Variants in DCBLD1 observed in about 807,000 individuals in gnomAD.
DCBLD1 encodes discoidin, CUB and LCCL domain-containing protein 1.
A neutral mutation model predicts 71.5 loss-of-function variants in DCBLD1; 57 were observed. The ratio of observed to expected loss-of-function variants is 0.80; its 90% confidence interval spans 0.64 to 0.99. The LOEUF is 0.99. Among genes scored for constraint, DCBLD1 ranks in the 50% least tolerant of loss-of-function variants. DCBLD1 has a pLI of 0.00. For synonymous variants in DCBLD1, 380 were observed against 363.8 expected (o/e 1.04, Z -0.51); for missense variants, 891 against 923.5 (o/e 0.96, Z 0.46).
At chr6:117,502,554 C>T (rs1029568148) in intron 1 of DCBLD1, among the ~76,000 whole-genome samples, 2 of 152,166 alleles carry the variant, frequency 1.3e-5, no homozygotes, top group African/African-American at 2.4e-5. Context: ...CTGAATCCAC[C>T]TCTAACTGGG....
chr6:117,527,315 C>G (rs543780080), intron 5 of DCBLD1, among the ~76,000 whole-genome samples: 1 of 152,270 alleles, frequency 6.6e-6, no homozygotes, highest in South Asian at 2.1e-4. Flanking sequence ...ATACAGGGAG[C>G]AGGGATCATG....
Position 117,538,505 on chromosome 6 carries a change from A to G in DCBLD1, c.761-115A>G, listed in dbSNP as rs1269686211. On this transcript the variant is annotated intron_variant, in intron 7 of 14. Coordinates refer to ENST00000338728, the MANE Select transcript of DCBLD1 (RefSeq NM_001366458.2). The stretch of plus-strand genomic sequence containing the variant: ...AGCTGGTAATTAAACACTTTATTCC[A>G]TATCAGAATAAAAGTCAACTAGTTG... 1.2e-5 allele frequency: 11 copies of G among 934,030 alleles called. No individual in the cohort carries two copies. The African/African-American group carries it at 1.3e-4, about 11-fold the overall frequency. The allele number at this position is 934,030 out of a possible 1,614,324, so 57.9% of individuals were successfully genotyped here.
chr6:117,540,602 G>A (rs539244726), intron 9 of DCBLD1, 66 bp from the exon 10 acceptor site: 5 of 1,587,550 alleles, frequency 3.1e-6, no homozygotes, highest in Admixed American at 1.7e-5. Flanking sequence ...CCAGGTATAA[G>A]TGGGATGATA....
chr6:117,566,800 T>G, intron 14 of DCBLD1: 1 of 1,202,034 alleles, frequency 8.3e-7, no homozygotes, highest in Non-Finnish European at 1.1e-6. Context: ...CTTCACATTT[T>G]AAACATTTAA....
At chr6:117,537,970 T>C (rs1443270081) in intron 7 of DCBLD1, among the ~76,000 whole-genome samples, 2 of 152,204 alleles carry the variant, frequency 1.3e-5, no homozygotes, top group Non-Finnish European at 2.9e-5. Flanking sequence ...TTGTTATTAT[T>C]TTGAATAAAG....
intron 5 of DCBLD1, among the ~76,000 whole-genome samples, chr6:117,528,093 A>C: frequency 6.6e-6 from 1 of 152,222 alleles, no homozygotes; most frequent in East Asian, 1.9e-4. Context: ...GTAAACATGT[A>C]GTGCGCTGCA....
In DCBLD1 at chr6:117,482,949, G is replaced by T. The variant is rs1209341087; in HGVS notation, c.112+56G>T. 9 of 1,127,096 alleles carry T rather than the reference G, an allele frequency of 8.0e-6. No individual in the cohort carries two copies. The East Asian group carries it at 1.9e-4, about 24-fold the overall frequency. 69.8% of individuals were successfully genotyped at this position (1,127,096 alleles called of 1,614,324 possible). ...ACCCGAGGCGCCAGGGGCGGGCTGA[G>T]GGCTGCGGGGCGGGCCGGGCCGGGC... On this transcript the variant is annotated intron_variant, in intron 1 of 14. Transcript: ENST00000338728.
Position 117,516,390 on chromosome 6 carries a change from G to A in DCBLD1, c.326-3426G>A, listed in dbSNP as rs72963475. Among the ~76,000 whole-genome samples the A allele has an allele frequency of 5.1e-3, 782 of 151,904 alleles. 7 individuals are homozygous for A. The highest frequency in any genetic ancestry group is 0.021 in the Middle Eastern group (6 of 292). On this transcript the variant is annotated intron_variant, in intron 2 of 14. Transcript: ENST00000338728. ...AAAAAAAAAGAAAGTATTAACTCAT[G>A]TAAGTAATTACGTATGATGAGTGTT...
Position 117,503,867 on chromosome 6 carries a change from A to G in DCBLD1, c.213A>G (p.Thr71=). The change falls in exon 2 of 15, where the codon ACA becomes ACG. Residue 71 remains threonine, a synonymous_variant. Transcript: ENST00000338728. The stretch of plus-strand genomic sequence containing the variant: ...CCAATCACACTGTTTGCGAAAAGAC[A>G]ATTACAGTACCAAAGGGGAAAAGAC... The part of the protein sequence containing the change: ...TYPNHTVCEK[T]ITVPKGKRLI... 1.2e-6 allele frequency: 2 copies of G among 1,614,132 alleles called. No individual in the cohort carries two copies. The highest frequency in any genetic ancestry group is 1.7e-6 in the Non-Finnish European group (2 of 1,179,998).
At chr6:117,513,361 C>G (rs1778085080) in intron 2 of DCBLD1, among the ~76,000 whole-genome samples, 1 of 152,184 alleles carries the variant, frequency 6.6e-6, no homozygotes, top group Non-Finnish European at 1.5e-5. Flanking sequence ...CCTTTATTCC[C>G]TTTGTCCAAG....
At chr6:117,500,869 A>T (rs1457700259) in intron 1 of DCBLD1, among the ~76,000 whole-genome samples, 1 of 152,200 alleles carries the variant, frequency 6.6e-6, no homozygotes, top group Non-Finnish European at 1.5e-5. Flanking sequence ...TCTCAAAAAA[A>T]ACAGTGACAC....
At chr6:117,517,911 C>G (rs1208704843) in intron 2 of DCBLD1, among the ~76,000 whole-genome samples, 1 of 152,198 alleles carries the variant, frequency 6.6e-6, no homozygotes, top group Non-Finnish European at 1.5e-5. Context: ...CCTTGAAGAC[C>G]TCTGACATGC....
chr6:117,502,327 A>G (rs1302749533), intron 1 of DCBLD1, among the ~76,000 whole-genome samples: 1 of 151,888 alleles, frequency 6.6e-6, no homozygotes, highest in Admixed American at 6.6e-5. Context: ...AGCCAACTCT[A>G]TTTCCCCAAT....
chr6:117,489,205 A>G (rs1712283634), intron 1 of DCBLD1, among the ~76,000 whole-genome samples: 2 of 152,210 alleles, frequency 1.3e-5, no homozygotes, highest in East Asian at 1.9e-4. Context: ...CGGTCATGAC[A>G]GAAGGTGAAG....
At chr6:117,493,262 T>A (rs1254219084) in intron 1 of DCBLD1, among the ~76,000 whole-genome samples, 4 of 152,182 alleles carry the variant, frequency 2.6e-5, no homozygotes, top group Non-Finnish European at 5.9e-5. Context: ...AAATGTAGAA[T>A]TTCCAGGCCC....
chr6:117,496,212 TG>T (rs1171367371), intron 1 of DCBLD1, among the ~76,000 whole-genome samples: 3 of 152,386 alleles, frequency 2.0e-5, no homozygotes, highest in African/African-American at 7.2e-5. Context: ...AACATGGTCA[TG>T]TGTTTCTAGT....
At chr6:117,495,091 C>T (rs1777426619) in intron 1 of DCBLD1, among the ~76,000 whole-genome samples, 1 of 152,012 alleles carries the variant, frequency 6.6e-6, no homozygotes. Context: ...AGACTAGTAC[C>T]ACAGTATCTA....
exon 15 of DCBLD1, chr6:117,569,753 G>A: frequency 6.4e-7 from 1 of 1,558,228 alleles, no homozygotes; most frequent in Non-Finnish European, 8.6e-7. Context: ...ACAACAAAGG[G>A]CAGTAAATTA....
chr6:117,557,716 A>G (rs1320709917), intron 14 of DCBLD1, among the ~76,000 whole-genome samples: 2 of 152,218 alleles, frequency 1.3e-5, no homozygotes, highest in African/African-American at 2.4e-5. Context: ...GTGAGCCAAG[A>G]TTGCACCATT....
Sources: gnomAD v4.1 joint callset for allele counts (sites outside exome capture counted in the v4.1 genomes callset) on GRCh38, gnomAD v4.1.1 for gene constraint, MANE v1.5 for transcripts, NCBI Gene and HGNC (gene_info 2026-07-23, HGNC 2026-07-21) for gene names.